Variants in STX17 observed in about 807,000 individuals in gnomAD.
STX17 encodes the protein syntaxin 17, also known as syntaxin-17.
STX17 carries 29 observed loss-of-function variants against 35.9 expected under a neutral mutation model. The ratio of observed to expected loss-of-function variants is 0.81; its 90% CI spans 0.60 to 1.10. The LOEUF (loss-of-function observed/expected upper bound fraction) is 1.10. STX17 is among the 50% of genes least tolerant of loss of function. The pLI is 0.00. For synonymous variants in STX17, 92 were observed against 118.3 expected, an observed-to-expected ratio of 0.78 and a Z score of 1.44; for missense variants, 312 against 352.3, an observed-to-expected ratio of 0.89 and a Z score of 0.92.
intron 3 of STX17, among the ~76,000 whole-genome samples, chr9:99,943,804 T>G (rs1213011606): frequency 5.9e-5 from 9 of 152,314 alleles, no homozygotes; most frequent in East Asian, 1.9e-4. Context: ...AAGTTTCGTT[T>G]CAAGGTTGTG....
chr9:99,930,766 A>G (rs1829105351), intron 3 of STX17, among the ~76,000 whole-genome samples: 1 of 152,162 alleles, frequency 6.6e-6, no homozygotes, highest in African/African-American at 2.4e-5. Context: ...ATCTTGCAGT[A>G]GCCCTCTAAT....
rs904077438 is a variant in STX17 at position 99,969,719 on chromosome 9, G to A, written c.*1046G>A. On this transcript the variant is annotated 3_prime_UTR_variant, in exon 8 of 8. Coordinates refer to ENST00000259400, the MANE Select transcript of STX17 (RefSeq NM_017919.3). ...CCAGTCTTCTTTTCAGCTGGTCTCT[G>A]GGGGGAGCTGAGAACTCGCTTGCTA... The A allele has an allele frequency of 6.6e-6, 1 of 152,254 alleles. No individual in the cohort carries two copies. The highest frequency in any genetic ancestry group is 6.6e-5 in the Admixed American group (1 of 15,200). The allele number at this position is 152,254 out of a possible 1,614,324, so 9.4% of individuals were successfully genotyped here.
intron 4 of STX17, among the ~76,000 whole-genome samples, chr9:99,953,396 C>G (rs773281821): frequency 2.0e-5 from 3 of 152,036 alleles, no homozygotes; most frequent in Non-Finnish European, 4.4e-5. Flanking sequence ...TGTGGATAAC[C>G]AGTACTGTAA....
At position 99,968,869 on chromosome 9, in the gene STX17, C is replaced by T; in HGVS notation, c.*196C>T. 4.0e-6 allele frequency: 3 copies of T among 740,744 alleles called. No homozygotes were observed. The highest frequency in any genetic ancestry group is 6.0e-6 in the Non-Finnish European group (3 of 497,232). 45.9% of individuals were successfully genotyped at this position (740,744 alleles called of 1,614,324 possible). ...CATGGAGATGTTAAGAGATTGAGGC[C>T]CTGGGCTGAGGGTATATAATGTATG... is the stretch of plus-strand genomic sequence containing the variant. On this transcript the variant is annotated 3_prime_UTR_variant, in exon 8 of 8. Transcript: ENST00000259400.
chr9:99,924,567 T>C (rs973438219), intron 2 of STX17, among the ~76,000 whole-genome samples: 1 of 152,142 alleles, frequency 6.6e-6, no homozygotes, highest in African/African-American at 2.4e-5. Context: ...ACCTACCCTA[T>C]GGGGTAGATA....
At chr9:99,927,969 A>C (rs973043857) in intron 2 of STX17, among the ~76,000 whole-genome samples, 1 of 152,182 alleles carries the variant, frequency 6.6e-6, no homozygotes, top group Admixed American at 6.5e-5. Context: ...CTATGCATAT[A>C]TGAGGGAATT....
chr9:99,933,061 G>C lies in STX17; in HGVS notation c.189+4218G>C, dbSNP rs1028870311. Among the ~76,000 whole-genome samples, 4 of 152,092 alleles carry C rather than the reference G, an allele frequency of 2.6e-5. No individual in the cohort carries two copies. The East Asian group carries it at 5.8e-4, about 22-fold the overall frequency. On this transcript the variant is annotated intron_variant, in intron 3 of 7. Transcript: ENST00000259400. Reference sequence around the variant, plus strand: ...GATATTTCTTTATATATTTAACTGAGTGTTTTAAATATTTTGCTTTTAACA... The same window carrying C: ...GATATTTCTTTATATATTTAACTGACTGTTTTAAATATTTTGCTTTTAACA...
At chr9:99,968,372 A>C (rs1465590737) in intron 7 of STX17, 62 bp from the exon 8 acceptor site, 1 of 1,504,546 alleles carries the variant, frequency 6.6e-7, no homozygotes, top group Non-Finnish European at 8.8e-7. Context: ...AGGAAAACGC[A>C]CATCACCACA....
intron 2 of STX17, among the ~76,000 whole-genome samples, chr9:99,919,441 C>T (rs185058547): frequency 7.2e-4 from 110 of 152,294 alleles, no homozygotes; most frequent in East Asian, 6.2e-3. Context: ...TCTTCCCTAC[C>T]ATGTACCCCT....
intron 4 of STX17, among the ~76,000 whole-genome samples, chr9:99,953,634 T>C (rs1322890634): frequency 6.6e-6 from 1 of 152,082 alleles, no homozygotes; most frequent in East Asian, 1.9e-4. Context: ...TAAGGGCTCA[T>C]CTTATGTACC....
At chr9:99,912,071 A>C (rs1288198925) in intron 1 of STX17, among the ~76,000 whole-genome samples, 1 of 152,158 alleles carries the variant, frequency 6.6e-6, no homozygotes, top group Non-Finnish European at 1.5e-5. Flanking sequence ...TACTAAAAAC[A>C]AAAAATTAGC....
chr9:99,915,879 T>C (rs139361588), intron 2 of STX17, among the ~76,000 whole-genome samples: 153 of 152,292 alleles, frequency 1.0e-3, no homozygotes, highest in African/African-American at 3.4e-3. Context: ...TTTTTAATTG[T>C]ACATATTGAG....
At chr9:99,917,309 ATATGT>A (rs1399372400) in intron 2 of STX17, among the ~76,000 whole-genome samples, 8 of 152,132 alleles carry the variant, frequency 5.3e-5, no homozygotes, top group African/African-American at 1.7e-4. Flanking sequence ...ATTTTAATAG[ATATGT>A]TATGGAAATG....
At chr9:99,923,762 C>T (rs951197943) in intron 2 of STX17, among the ~76,000 whole-genome samples, 6 of 152,190 alleles carry the variant, frequency 3.9e-5, no homozygotes, top group African/African-American at 1.2e-4. Flanking sequence ...GGAGTTCCCA[C>T]GATCCCTTTT....
intron 2 of STX17, among the ~76,000 whole-genome samples, chr9:99,926,414 G>T (rs1002405620): frequency 6.6e-6 from 1 of 151,838 alleles, no homozygotes; most frequent in Non-Finnish European, 1.5e-5. Flanking sequence ...ACTTTATTGG[G>T]TACTGAATAT....
intron 3 of STX17, chr9:99,937,853 A>G (rs986677791): frequency 2.6e-5 from 4 of 152,194 alleles, no homozygotes; most frequent in Non-Finnish European, 5.9e-5. Flanking sequence ...ATGTTTATAT[A>G]AAACAATGAG....
At position 99,959,905 on chromosome 9, in the gene STX17, A is replaced by T; in HGVS notation, c.416-12A>T. ...AATAAACTCTAAACATGGGGTTATT[A>T]TGTTCATCCAGGAGCATTTCATACT... On this transcript the variant is annotated splice_polypyrimidine_tract_variant and intron_variant, in intron 4 of 7. Transcript: ENST00000259400. 2 of 1,579,246 alleles carry T rather than the reference A, an allele frequency of 1.3e-6. No homozygotes were observed. The highest frequency in any genetic ancestry group is 1.4e-5 in the African/African-American group (1 of 73,876).
At chr9:99,951,514 C>T (rs1829596043) in intron 4 of STX17, among the ~76,000 whole-genome samples, 1 of 151,900 alleles carries the variant, frequency 6.6e-6, no homozygotes, top group Admixed American at 6.6e-5. Context: ...GGGAAAGTAC[C>T]CGTTTGTCTA....
chr9:99,936,846 G>C (rs1829247037), intron 3 of STX17, among the ~76,000 whole-genome samples: 1 of 151,888 alleles, frequency 6.6e-6, no homozygotes, highest in South Asian at 2.1e-4. Context: ...TATATGTACT[G>C]GTGTCATTTC....
Sources: allele counts gnomAD v4.1 joint callset (sites outside exome capture counted in the v4.1 genomes callset), GRCh38; gene constraint gnomAD v4.1.1; transcripts MANE v1.5; gene names NCBI Gene and HGNC (gene_info 2026-07-23, HGNC 2026-07-21).